Variants in TAS2R1 observed in about 807,000 individuals in gnomAD.
The protein encoded by TAS2R1 is taste 2 receptor member 1, also known as taste receptor type 2 member 1.
For missense variants in TAS2R1, 370 were observed against 353.4 expected, an observed-to-expected ratio of 1.05 and a Z score of -0.38; for synonymous variants, 141 against 134.2, an observed-to-expected ratio of 1.05 and a Z score of -0.35.
chr5:9,809,318 G>A, the TAS2R1 span, among the ~76,000 whole-genome samples: 3 of 152,114 alleles, frequency 2.0e-5, no homozygotes, highest in East Asian at 1.9e-4. Flanking sequence ...GGAATGTTAC[G>A]GACTGAATAT....
the TAS2R1 span, among the ~76,000 whole-genome samples, chr5:9,826,374 A>G: frequency 6.6e-6 from 1 of 152,316 alleles, no homozygotes; most frequent in African/African-American, 2.4e-5. Context: ...ACATACAATT[A>G]TGTTTCAATT....
At chr5:9,667,700 C>G (rs1740665546) in intron 1 of TAS2R1, among the ~76,000 whole-genome samples, 1 of 151,946 alleles carries the variant, frequency 6.6e-6, no homozygotes, top group Non-Finnish European at 1.5e-5. Flanking sequence ...AAAATTGAAG[C>G]CAGTCAACTG....
At chr5:9,893,472 A>C in the TAS2R1 span, among the ~76,000 whole-genome samples, 1 of 152,122 alleles carries the variant, frequency 6.6e-6, no homozygotes, top group Non-Finnish European at 1.5e-5. Context: ...AATGAGAAGT[A>C]CCTAGAGCCC....
chr5:9,858,659 A>C, the TAS2R1 span, among the ~76,000 whole-genome samples: 1 of 152,256 alleles, frequency 6.6e-6, no homozygotes, highest in East Asian at 1.9e-4. Flanking sequence ...TATAATTAAC[A>C]AAATGTCAGA....
At chr5:9,762,560 G>T in the TAS2R1 span, among the ~76,000 whole-genome samples, 1 of 152,136 alleles carries the variant, frequency 6.6e-6, no homozygotes, top group Non-Finnish European at 1.5e-5. Context: ...ATATAGACCC[G>T]GTAAATTGTC....
At chr5:9,792,504 C>T in the TAS2R1 span, among the ~76,000 whole-genome samples, 7 of 152,112 alleles carry the variant, frequency 4.6e-5, no homozygotes, top group Non-Finnish European at 7.4e-5. Flanking sequence ...ACGATCAACC[C>T]GACTTTTGAA....
the TAS2R1 span, among the ~76,000 whole-genome samples, chr5:9,866,612 C>G: frequency 1.3e-5 from 2 of 152,168 alleles, no homozygotes; most frequent in African/African-American, 4.8e-5. Context: ...TTCCAGTTCA[C>G]CCTTACTCAT....
At chr5:9,669,026 A>G (rs1740699179) in intron 1 of TAS2R1, among the ~76,000 whole-genome samples, 1 of 152,194 alleles carries the variant, frequency 6.6e-6, no homozygotes, top group Admixed American at 6.6e-5. Context: ...CCTGTCTAAC[A>G]TATAATGACA....
the TAS2R1 span, among the ~76,000 whole-genome samples, chr5:9,796,962 G>C: frequency 5.3e-4 from 81 of 152,148 alleles, no homozygotes; most frequent in Non-Finnish European, 1.0e-3. Flanking sequence ...GGCAGACATT[G>C]TTGCTACAGT....
At chr5:9,701,653 T>A (rs1323123165) in intron 1 of TAS2R1, among the ~76,000 whole-genome samples, 3 of 152,250 alleles carry the variant, frequency 2.0e-5, no homozygotes, top group Non-Finnish European at 1.5e-5. Flanking sequence ...AAAGCATATC[T>A]ATGTGTATTG....
chr5:9,628,039 A>C lies in TAS2R1; in HGVS notation c.*1094T>G, dbSNP rs1739787577. ...TGAACTACAAGTTACCGCTGAGCTT[A>C]AGAACATTTTTTACTTCATTTACTT... On this transcript the variant is annotated 3_prime_UTR_variant, in exon 1 of 1. Coordinates refer to ENST00000382492, the MANE Select transcript of TAS2R1 (RefSeq NM_019599.3). 6.6e-6 allele frequency among the ~76,000 whole-genome samples: 1 copy of C among 152,188 alleles called. No individual in the cohort carries two copies.
chr5:9,845,291 G>A, the TAS2R1 span, among the ~76,000 whole-genome samples: 3 of 152,294 alleles, frequency 2.0e-5, no homozygotes, highest in South Asian at 2.1e-4. Flanking sequence ...GCAGATCTTC[G>A]TGGGTATTAT....
the TAS2R1 span, among the ~76,000 whole-genome samples, chr5:9,752,723 G>A: frequency 1.3e-4 from 16 of 126,988 alleles, no homozygotes; most frequent in African/African-American, 1.5e-4. Context: ...AATAGGCCCC[G>A]GTGTGTGATG....
the TAS2R1 span, among the ~76,000 whole-genome samples, chr5:9,804,155 T>C: frequency 1.3e-5 from 2 of 152,180 alleles, no homozygotes; most frequent in African/African-American, 4.8e-5. Flanking sequence ...AGGGACATTA[T>C]ATAATGATAA....
chr5:9,708,491 T>C (rs561350060), intron 1 of TAS2R1, among the ~76,000 whole-genome samples: 18 of 152,338 alleles, frequency 1.2e-4, no homozygotes, highest in African/African-American at 4.3e-4. Flanking sequence ...TTTTTGTCTC[T>C]CCTTTTACAC....
chr5:9,759,521 A>G, the TAS2R1 span, among the ~76,000 whole-genome samples: 1 of 152,232 alleles, frequency 6.6e-6, no homozygotes. Context: ...TGCATTTTAA[A>G]TAATATCCAT....
chr5:9,754,574 T>C, the TAS2R1 span, among the ~76,000 whole-genome samples: 1 of 152,214 alleles, frequency 6.6e-6, no homozygotes, highest in South Asian at 2.1e-4. Context: ...AAAATCAATG[T>C]GCAAAAATCA....
At chr5:9,822,866 C>A in the TAS2R1 span, among the ~76,000 whole-genome samples, 7 of 151,590 alleles carry the variant, frequency 4.6e-5, no homozygotes, top group African/African-American at 1.7e-4. Context: ...AATTGTGCTA[C>A]AATAAAAAAC....
the TAS2R1 span, among the ~76,000 whole-genome samples, chr5:9,745,714 T>C: frequency 6.6e-6 from 1 of 152,150 alleles, no homozygotes; most frequent in Admixed American, 6.5e-5. Context: ...TGGCTAGCCA[T>C]AAGCAGAAAA....
Sources: gnomAD v4.1 joint callset for allele counts (sites outside exome capture counted in the v4.1 genomes callset) on GRCh38, gnomAD v4.1.1 for gene constraint, MANE v1.5 for transcripts, NCBI Gene and HGNC (gene_info 2026-07-23, HGNC 2026-07-21) for gene names.